Variants in BCCIP observed in about 807,000 individuals in gnomAD.
The protein encoded by BCCIP is BRCA2 and CDKN1A interacting protein, also known as BRCA2 and CDKN1A-interacting protein.
BCCIP carries 23 observed loss-of-function variants against 32.8 expected under a neutral mutation model. The observed-to-expected ratio is 0.70, with a 90% CI of 0.51 to 0.99. The LOEUF (loss-of-function observed/expected upper bound fraction) is 0.99. Ranked by LOEUF, BCCIP falls within the 50% of genes least tolerant of loss-of-function variation. BCCIP has a pLI of 0.00. For missense variants in BCCIP, 378 were observed against 379.8 expected, an observed-to-expected ratio of 1.00 and a Z score of 0.04; for synonymous variants, 144 against 137.6, an observed-to-expected ratio of 1.05 and a Z score of -0.33.
chr10:125,825,850 TC>T (rs1854377400), intron 1 of BCCIP: 1 of 152,244 alleles, frequency 6.6e-6, no homozygotes, highest in Admixed American at 6.5e-5. Context: ...AGTTCCATCT[TC>T]TAGATTCTGT....
At chr10:125,834,783 C>T (rs1854613571) in intron 6 of BCCIP, among the ~76,000 whole-genome samples, 1 of 149,882 alleles carries the variant, frequency 6.7e-6, no homozygotes, top group Non-Finnish European at 1.5e-5. Flanking sequence ...TGCACTCCAG[C>T]CTGAGCAACA....
chr10:125,838,176 AT>A (rs1191222539), downstream of BCCIP: 26 of 1,534,342 alleles, frequency 1.7e-5, no homozygotes, highest in Non-Finnish European at 2.3e-5. Context: ...TAAAAAAAAA[AT>A]ACAACCCTTT....
intron 1 of BCCIP, 54 bp downstream of exon 1, chr10:125,823,776 A>C: frequency 6.3e-7 from 1 of 1,598,208 alleles, no homozygotes; most frequent in African/African-American, 1.3e-5. Context: ...ACTTTTTGGC[A>C]AGCCCAGGCT....
chr10:125,833,334 T>C (rs917180790), intron 5 of BCCIP, among the ~76,000 whole-genome samples: 3 of 152,234 alleles, frequency 2.0e-5, no homozygotes, highest in Admixed American at 2.0e-4. Context: ...TTCCAGACTC[T>C]AGCAATTAGA....
intron 7 of BCCIP, among the ~76,000 whole-genome samples, chr10:125,849,440 C>T (rs1944062883): frequency 6.6e-6 from 1 of 152,190 alleles, no homozygotes; most frequent in Non-Finnish European, 1.5e-5. Flanking sequence ...ACACACTGGC[C>T]CTGGAAAGTT....
chr10:125,828,301 A>G (rs1356152594), intron 3 of BCCIP, among the ~76,000 whole-genome samples: 1 of 152,136 alleles, frequency 6.6e-6, no homozygotes, highest in Non-Finnish European at 1.5e-5. Context: ...TTGGATTTGT[A>G]CATTTTGAGT....
intron 6 of BCCIP, among the ~76,000 whole-genome samples, chr10:125,835,106 C>G (rs1854631620): frequency 6.6e-6 from 1 of 151,514 alleles, no homozygotes; most frequent in Non-Finnish European, 1.5e-5. Context: ...GCACTCCAGC[C>G]TGGGCGACAG....
chr10:125,824,870 T>A (rs951117375), intron 1 of BCCIP, among the ~76,000 whole-genome samples: 9 of 152,218 alleles, frequency 5.9e-5, no homozygotes, highest in African/African-American at 2.2e-4. Flanking sequence ...TGGATCAGAA[T>A]AAGGAAGAGA....
chr10:125,824,926 A>C (rs1291808614), intron 1 of BCCIP, among the ~76,000 whole-genome samples: 2 of 152,282 alleles, frequency 1.3e-5, no homozygotes, highest in Non-Finnish European at 2.9e-5. Context: ...AGTCATGATG[A>C]GCATGGAGGG....
chr10:125,836,155 C>T lies in BCCIP; in HGVS notation c.826C>T (p.Leu276=), dbSNP rs773859950. The T allele has an allele frequency of 5.6e-6, 9 of 1,614,086 alleles. No individual in the cohort carries two copies. The African/African-American group carries it at 1.1e-4, about 19-fold the overall frequency. ...AGTGCAGGAGGAGAGCGACACTTGT[C>T]TGGGAGGCAAATGGTCTTTTGATGA... ...YSVQEESDTC[L]GGKWSFDDVP... Residue 276 remains leucine, a synonymous_variant, in exon 7 of 7, where the codon CTG becomes TTG. Transcript: ENST00000278100.
intron 7 of BCCIP, chr10:125,852,178 C>T (rs192272602): frequency 2.4e-5 from 32 of 1,316,056 alleles, no homozygotes; most frequent in African/African-American, 2.4e-4. Context: ...TCCAAACCAA[C>T]GCCCCCTCCA....
At chr10:125,824,013 C>T (rs904461736) in intron 1 of BCCIP, among the ~76,000 whole-genome samples, 4 of 152,234 alleles carry the variant, frequency 2.6e-5, no homozygotes, top group East Asian at 1.9e-4. Flanking sequence ...AGGCTGAAGC[C>T]TCAGATCCTG....
At chr10:125,851,553 G>A (rs1354371820) in intron 7 of BCCIP, among the ~76,000 whole-genome samples, 1 of 152,184 alleles carries the variant, frequency 6.6e-6, no homozygotes, top group Non-Finnish European at 1.5e-5. Context: ...GAGATGAACA[G>A]TGGGACTGGA....
chr10:125,832,601 A>T (rs1407137138), intron 5 of BCCIP, among the ~76,000 whole-genome samples: 1 of 149,886 alleles, frequency 6.7e-6, no homozygotes, highest in Non-Finnish European at 1.5e-5. Context: ...ATTTGGTTTT[A>T]TAGGAGGGTG....
chr10:125,825,845 C>T (rs1854377034), intron 1 of BCCIP: 1 of 152,196 alleles, frequency 6.6e-6, no homozygotes, highest in Non-Finnish European at 1.5e-5. Flanking sequence ...ATTTTAGTTC[C>T]ATCTTCTAGA....
chr10:125,833,927 AGG>A lies in BCCIP; in HGVS notation c.756_757del (p.Glu253ArgfsTer5). ...GCTGCGTTAATGTTTGCAAATGCAGAGGAAGAATTTTTCTATGAGGTAAGACT... is the reference window on the plus strand; with the variant it reads ...GCTGCGTTAATGTTTGCAAATGCAGAAAGAATTTTTCTATGAGGTAAGACT... On this transcript the variant is annotated frameshift_variant, in exon 6 of 7. Coordinates refer to ENST00000278100, the MANE Select transcript of BCCIP (RefSeq NM_078468.3). LOFTEE classifies it high-confidence loss of function. 1.2e-6 allele frequency: 2 copies of A among 1,614,236 alleles called. No individual in the cohort carries two copies. Among genetic ancestry groups the A allele is most frequent in the Non-Finnish European group, 1.7e-6 (2 of 1,180,042 alleles).
At chr10:125,826,537 AG>A in intron 1 of BCCIP, 53 bp from the exon 2 acceptor site, 1 of 1,604,860 alleles carries the variant, frequency 6.2e-7, no homozygotes, top group South Asian at 1.1e-5. Flanking sequence ...CCTGTTTTAA[AG>A]TCTAGATGTT....
chr10:125,849,643 T>C (rs1281865323), intron 7 of BCCIP, among the ~76,000 whole-genome samples: 2 of 152,160 alleles, frequency 1.3e-5, no homozygotes, highest in African/African-American at 2.4e-5. Context: ...TGCCGGTAGG[T>C]GTCAGGCACT....
intron 3 of BCCIP, among the ~76,000 whole-genome samples, chr10:125,829,645 T>G (rs1854478751): frequency 6.6e-6 from 1 of 152,210 alleles, no homozygotes; most frequent in Non-Finnish European, 1.5e-5. Flanking sequence ...TGGCACTCAA[T>G]GTAAAGAAAA....
Sources: allele counts gnomAD v4.1 joint callset (sites outside exome capture counted in the v4.1 genomes callset), GRCh38; gene constraint gnomAD v4.1.1; transcripts MANE v1.5; gene names NCBI Gene and HGNC (gene_info 2026-07-23, HGNC 2026-07-21).